The following GPT2 variants were observed in gnomAD, a reference collection of about 807,000 sequenced individuals.
GPT2 encodes the protein alanine aminotransferase 2.
In GPT2, 30 loss-of-function variants were observed where a neutral mutation model predicts 56.9. The ratio of observed to expected loss-of-function variants is 0.53; its 90% CI spans 0.39 to 0.72. The LOEUF (loss-of-function observed/expected upper bound fraction) is 0.72. GPT2 is among the 30% of genes least tolerant of loss of function. GPT2 has a pLI of 0.00. For missense variants in GPT2, 542 were observed against 703.4 expected, an observed-to-expected ratio of 0.77 and a Z score of 2.60; for synonymous variants, 271 against 283.1, an observed-to-expected ratio of 0.96 and a Z score of 0.43.
intron 7 of GPT2, 138 bp from the exon 8 acceptor site, chr16:46,918,483 C>T: frequency 7.4e-6 from 7 of 945,200 alleles, no homozygotes; most frequent in Non-Finnish European, 9.6e-6. Flanking sequence ...ACACTTGGCT[C>T]ATCCCTGGAA....
In GPT2 at chr16:46,909,849, C is replaced by T. The variant is rs1163144997; in HGVS notation, c.742C>T (p.Leu248Phe). The change falls in exon 6 of 12, where the codon CTC becomes TTC. Residue 248 changes from leucine to phenylalanine, a missense_variant. Transcript: ENST00000340124. ...ENCWALNVNE[L>F]RRAVQEAKDH... Reference sequence around the variant, plus strand: ...CTGCTGGGCGCTGAATGTGAATGAGCTCCGGCGGGCGGTGCAGGAGGCCAA... The same window carrying T: ...CTGCTGGGCGCTGAATGTGAATGAGTTCCGGCGGGCGGTGCAGGAGGCCAA... 6 of 1,614,046 alleles carry T rather than the reference C, an allele frequency of 3.7e-6. No individual in the cohort carries two copies. The Admixed American group carries it at 8.3e-5, about 22-fold the overall frequency.
At chr16:46,906,727 A>C (rs1484765830) in intron 4 of GPT2, 115 bp from the exon 5 acceptor site, 2 of 1,398,042 alleles carry the variant, frequency 1.4e-6, no homozygotes, top group Non-Finnish European at 2.0e-6. Flanking sequence ...GTTGGGCCCC[A>C]CCCCGAGACC....
intron 2 of GPT2, among the ~76,000 whole-genome samples, chr16:46,895,362 T>TA (rs1288195591): frequency 6.6e-6 from 1 of 151,848 alleles, no homozygotes; most frequent in African/African-American, 2.4e-5. Context: ...CCATCTCCAT[T>TA]AAAAATACAA....
intron 10 of GPT2, 63 bp downstream of exon 10, chr16:46,924,607 G>C (rs1961365609): frequency 6.3e-7 from 1 of 1,576,412 alleles, no homozygotes; most frequent in South Asian, 1.2e-5. Context: ...TGGGTTGGGG[G>C]CCCCTGCTTA....
At chr16:46,927,688 C>T (rs746991919) in intron 11 of GPT2, among the ~76,000 whole-genome samples, 1 of 152,082 alleles carries the variant, frequency 6.6e-6, no homozygotes, top group African/African-American at 2.4e-5. Context: ...CTGTTAGCAC[C>T]CGGAGCCAAG....
At chr16:46,896,770 G>A (rs971890766) in intron 2 of GPT2, among the ~76,000 whole-genome samples, 5 of 152,222 alleles carry the variant, frequency 3.3e-5, no homozygotes, top group African/African-American at 4.8e-5. Flanking sequence ...GCAGCTGTTC[G>A]GGATGCTTGG....
Position 46,929,758 on chromosome 16 carries a change from T to G in GPT2, c.*761T>G, listed in dbSNP as rs1961498594. 1 of 152,384 alleles carries G rather than the reference T, an allele frequency of 6.6e-6. No homozygotes were observed. 9.4% of individuals were successfully genotyped at this position (152,384 alleles called of 1,614,324 possible). A position where few individuals can be genotyped will look rare whatever the true frequency, so the allele number is the denominator to read the frequency against. ...AGGCTGGAACCCCGTCTGAGAGGTC[T>G]CCCTGAATTTCAGTGACACATAGTG... On this transcript the variant is annotated 3_prime_UTR_variant, in exon 12 of 12. Transcript: ENST00000340124.
At chr16:46,893,725 C>T (rs926034190) in intron 2 of GPT2, among the ~76,000 whole-genome samples, 10 of 152,162 alleles carry the variant, frequency 6.6e-5, no homozygotes, top group African/African-American at 2.4e-4. Context: ...GGGGAGCCCT[C>T]CCTGGGAAGG....
intron 6 of GPT2, among the ~76,000 whole-genome samples, chr16:46,911,750 C>T (rs1210745365): frequency 1.3e-5 from 2 of 152,134 alleles, no homozygotes; most frequent in African/African-American, 4.8e-5. Flanking sequence ...CTAACAAATT[C>T]CCAGGTGATA....
intron 2 of GPT2, among the ~76,000 whole-genome samples, chr16:46,891,415 T>C (rs571957858): frequency 1.3e-3 from 202 of 150,426 alleles, no homozygotes; most frequent in African/African-American, 4.6e-3. Flanking sequence ...GCTAATTTTT[T>C]TTTTTGAGAT....
At chr16:46,919,868 ATAGGAATTGT>A (rs1244729426) in intron 8 of GPT2, among the ~76,000 whole-genome samples, 2 of 152,076 alleles carry the variant, frequency 1.3e-5, no homozygotes. Context: ...GGTGGAGTTG[ATAGGAATTGT>A]GAGTGGAAAA....
chr16:46,902,356 C>G (rs954248756), intron 4 of GPT2, among the ~76,000 whole-genome samples: 1 of 152,142 alleles, frequency 6.6e-6, no homozygotes, highest in Admixed American at 6.5e-5. Flanking sequence ...TTGTACCCAC[C>G]TCCTCGGCTT....
chr16:46,891,085 C>T (rs565282315), intron 2 of GPT2, among the ~76,000 whole-genome samples: 2 of 152,042 alleles, frequency 1.3e-5, no homozygotes, highest in South Asian at 2.1e-4. Context: ...GTTAGTCAGG[C>T]GGGTCTCGAC....
intron 10 of GPT2, among the ~76,000 whole-genome samples, chr16:46,926,602 A>G (rs952646540): frequency 6.6e-6 from 1 of 152,184 alleles, no homozygotes; most frequent in African/African-American, 2.4e-5. Context: ...CCAGGGCCCC[A>G]TTTTCAGAGG....
Position 46,929,392 on chromosome 16 carries a change from A to G in GPT2, c.*395A>G. 1 of 224,946 alleles carries G rather than the reference A, an allele frequency of 4.4e-6. No homozygotes were observed. The highest frequency in any genetic ancestry group is 7.0e-5 in the South Asian group (1 of 14,228). 13.9% of individuals were successfully genotyped at this position (224,946 alleles called of 1,614,324 possible). A position where few individuals can be genotyped will look rare whatever the true frequency, so the allele number is the denominator to read the frequency against. On this transcript the variant is annotated 3_prime_UTR_variant, in exon 12 of 12. Coordinates refer to ENST00000340124, the MANE Select transcript of GPT2 (RefSeq NM_133443.4). ...ACCGTGGTGAGGGCTGGAAATCCAAACTCACCACCATGATCTGTGAAATAA... is the reference window on the plus strand; with the variant it reads ...ACCGTGGTGAGGGCTGGAAATCCAAGCTCACCACCATGATCTGTGAAATAA...
At chr16:46,924,352 A>T (rs748289641) in intron 9 of GPT2, 37 bp from the exon 10 acceptor site, 2 of 1,611,250 alleles carry the variant, frequency 1.2e-6, no homozygotes, top group South Asian at 1.1e-5. Context: ...CTTTATCCAG[A>T]GATACTGACT....
intron 6 of GPT2, chr16:46,916,374 A>T: frequency 2.8e-6 from 1 of 362,286 alleles, no homozygotes; most frequent in South Asian, 6.6e-5. Context: ...AAAATAAGAG[A>T]GCCAGGTGAG....
rs1567336259 is a variant in GPT2 at position 46,901,776 on chromosome 16, C to T, written c.442+986C>T. Among the ~76,000 whole-genome samples the T allele has an allele frequency of 2.0e-5, 3 of 152,316 alleles. No homozygotes were observed. In the East Asian group the frequency reaches 5.8e-4, roughly 29 times the overall value. On this transcript the variant is annotated intron_variant, in intron 4 of 11. Coordinates refer to ENST00000340124, the MANE Select transcript of GPT2 (RefSeq NM_133443.4). ...TGCTTACCCTCCTGGCTGTGGCCCC[C>T]CTGCCCTCCCTTTGAGTCTGGACAC...
chr16:46,886,304 C>G (rs576379730), intron 2 of GPT2, among the ~76,000 whole-genome samples: 1 of 152,214 alleles, frequency 6.6e-6, no homozygotes, highest in Non-Finnish European at 1.5e-5. Flanking sequence ...CTGGGATTAA[C>G]GCGTTCCTGG....
Sources: allele counts gnomAD v4.1 joint callset (sites outside exome capture counted in the v4.1 genomes callset), GRCh38; gene constraint gnomAD v4.1.1; transcripts MANE v1.5; gene names NCBI Gene and HGNC (gene_info 2026-07-23, HGNC 2026-07-21).